Variants in ACSBG2 observed in about 807,000 individuals in gnomAD.
ACSBG2 encodes the protein long-chain-fatty-acid--CoA ligase ACSBG2.
In ACSBG2, 62 loss-of-function variants were observed where a neutral mutation model predicts 74.7. That is an observed-to-expected ratio of 0.83 (90% CI 0.68 to 1.03). The LOEUF is 1.03. Ranked by LOEUF, ACSBG2 falls within the 50% of genes least tolerant of loss-of-function variation. The probability of loss-of-function intolerance (pLI) is 0.00; values close to 1 mark genes in which losing one functional copy is unlikely to be tolerated. For missense variants in ACSBG2, 730 were observed against 817.6 expected (o/e 0.89, Z 1.31); for synonymous variants, 309 against 294.1 (o/e 1.05, Z -0.52).
chr19:6,189,524 CTTG>C lies in ACSBG2; in HGVS notation c.1928-1057_1928-1055del, dbSNP rs1020361341. 1.1e-4 allele frequency among the ~76,000 whole-genome samples: 16 copies of C among 150,886 alleles called. No homozygotes were observed. In the South Asian group the frequency reaches 3.1e-3, roughly 29 times the overall value. On this transcript the variant is annotated intron_variant, in intron 13 of 14. Transcript: ENST00000588485. ...AGGGAAGTGACTTGTCCCACTGAGT[CTTG>C]TTTTTTTTTTGTTTGTTTTGAGACA...
In ACSBG2 at chr19:6,182,805, C is replaced by T; in HGVS notation, c.961C>T (p.Pro321Ser). Residue 321 changes from proline (P) to serine (S), a missense_variant, in exon 9 of 15, where the codon CCT becomes TCT. Transcript: ENST00000588485. ...EVKPTVFIGV[P>S]QIWEKIHEMV... Reference sequence around the variant, plus strand: ...AAAACCTACTGTCTTCATTGGAGTGCCTCAAATTTGGGAGAAGATACATGA... The same window carrying T: ...AAAACCTACTGTCTTCATTGGAGTGTCTCAAATTTGGGAGAAGATACATGA... 1 of 1,614,054 alleles carries T rather than the reference C, an allele frequency of 6.2e-7. No individual in the cohort carries two copies. Among genetic ancestry groups the T allele is most frequent in the Non-Finnish European group, 8.5e-7 (1 of 1,180,004 alleles).
chr19:6,137,848 G>A (rs1477328779), intron 1 of ACSBG2, among the ~76,000 whole-genome samples: 7 of 151,956 alleles, frequency 4.6e-5, no homozygotes, highest in South Asian at 2.1e-4. Flanking sequence ...GGGTTTCACC[G>A]TGTGAACCAT....
At chr19:6,140,597 T>C (rs908545828) in intron 1 of ACSBG2, among the ~76,000 whole-genome samples, 1 of 151,304 alleles carries the variant, frequency 6.6e-6, no homozygotes, top group African/African-American at 2.4e-5. Flanking sequence ...CGAGAATTGC[T>C]TGAACCTGGG....
At chr19:6,177,583 G>A (rs2090121524) in intron 8 of ACSBG2, among the ~76,000 whole-genome samples, 187 bp downstream of exon 8, 1 of 152,154 alleles carries the variant, frequency 6.6e-6, no homozygotes, top group Non-Finnish European at 1.5e-5. Flanking sequence ...GGCTCAATCT[G>A]TAATCCCGGC....
chr19:6,141,672 T>C, intron 2 of ACSBG2, 62 bp downstream of exon 2: 1 of 1,091,678 alleles, frequency 9.2e-7, no homozygotes. Flanking sequence ...AAAGGCTCTT[T>C]GCAGAGGAGT....
intron 2 of ACSBG2, among the ~76,000 whole-genome samples, chr19:6,143,256 G>A (rs2088912046): frequency 1.3e-5 from 2 of 151,824 alleles, no homozygotes; most frequent in Non-Finnish European, 2.9e-5. Flanking sequence ...GTCTGAAACA[G>A]CAGAAATGTA....
At chr19:6,138,462 G>A (rs1035732846) in intron 1 of ACSBG2, among the ~76,000 whole-genome samples, 7 of 134,458 alleles carry the variant, frequency 5.2e-5, no homozygotes, top group Non-Finnish European at 1.1e-4. Flanking sequence ...GTGCTAGGAA[G>A]AGAGAGGGAG....
At chr19:6,183,772 T>C (rs2145246347) in intron 10 of ACSBG2, among the ~76,000 whole-genome samples, 1 of 152,280 alleles carries the variant, frequency 6.6e-6, no homozygotes, top group African/African-American at 2.4e-5. Context: ...GGGTGAGGTT[T>C]GAAAAAATCT....
chr19:6,171,022 A>C (rs2089950402), intron 7 of ACSBG2, among the ~76,000 whole-genome samples: 1 of 151,210 alleles, frequency 6.6e-6, no homozygotes, highest in Non-Finnish European at 1.5e-5. Flanking sequence ...GTTTTATTGG[A>C]TAAAACAGTA....
At chr19:6,179,108 C>A (rs936125657) in intron 8 of ACSBG2, among the ~76,000 whole-genome samples, 1 of 152,132 alleles carries the variant, frequency 6.6e-6, no homozygotes, top group Non-Finnish European at 1.5e-5. Flanking sequence ...TCTGATAGGA[C>A]ATCAACAGCA....
Position 6,161,289 on chromosome 19 carries a change from G to A in ACSBG2, c.582G>A (p.Leu194=), listed in dbSNP as rs765369669. 6.2e-6 allele frequency: 10 copies of A among 1,612,024 alleles called. 1 individual carries two copies. The East Asian group carries it at 8.9e-5, about 14-fold the overall frequency. The change falls in exon 6 of 15, where the codon TTG becomes TTA. Residue 194 remains leucine (L), a synonymous_variant. Transcript: ENST00000588485. Reference sequence around the variant, plus strand: ...TGCCAATGAAGAAGAACAACAACTTGTACTCTGTAAGTGTGGGAGGTGGGC... The same window carrying A: ...TGCCAATGAAGAAGAACAACAACTTATACTCTGTAAGTGTGGGAGGTGGGC... ...YRLPMKKNNN[L]YSWDDFMELG...
chr19:6,165,950 G>T lies in ACSBG2; in HGVS notation c.673G>T (p.Ala225Ser). ...CGAGAGCCAGAAGGCGAATCAATGC[G>T]CAGTGCTCATCTACACTTCAGGGAC... is the stretch of plus-strand genomic sequence containing the variant. ...VIESQKANQC[A>S]VLIYTSGTTG... Residue 225 changes from alanine to serine, a missense_variant, in exon 7 of 15, where the codon GCA becomes TCA. Ala to Ser is a moderately conservative substitution (Grantham distance 99). Transcript: ENST00000588485. 1 of 1,613,890 alleles carries T rather than the reference G, an allele frequency of 6.2e-7. No homozygotes were observed. The highest frequency in any genetic ancestry group is 8.5e-7 in the Non-Finnish European group (1 of 1,179,926).
At chr19:6,136,503 T>C (rs4293503) in intron 1 of ACSBG2, among the ~76,000 whole-genome samples, 14,112 of 150,490 alleles carry the variant, frequency 0.094, 2,150 homozygotes, top group African/African-American at 0.32. Flanking sequence ...GCTGGGATTA[T>C]AGGCACGCGC....
rs139796586 is a variant in ACSBG2, at chr19:6,164,594, G to A, written c.589-1272G>A. 2.0e-3 allele frequency among the ~76,000 whole-genome samples: 304 copies of A among 152,084 alleles called. 2 individuals carry two copies. Among genetic ancestry groups the A allele is most frequent in the African/African-American group, 6.8e-3 (282 of 41,486 alleles). On this transcript the variant is annotated intron_variant, in intron 6 of 14. Coordinates refer to ENST00000588485, the MANE Select transcript of ACSBG2 (RefSeq NM_030924.5). ...ATTACAGGCGCCTGCCACCACACCCGGCTAATTTTTGTATTTTTAGTAGAG... is the reference window on the plus strand; with the variant it reads ...ATTACAGGCGCCTGCCACCACACCCAGCTAATTTTTGTATTTTTAGTAGAG...
At chr19:6,170,883 G>A (rs969394537) in intron 7 of ACSBG2, among the ~76,000 whole-genome samples, 1 of 152,040 alleles carries the variant, frequency 6.6e-6, no homozygotes, top group Non-Finnish European at 1.5e-5. Flanking sequence ...AGTAGTACTT[G>A]TCTTATAAAT....
chr19:6,157,184 G>A (rs1001629613), intron 5 of ACSBG2, among the ~76,000 whole-genome samples: 8 of 152,234 alleles, frequency 5.3e-5, no homozygotes, highest in Admixed American at 3.9e-4. Flanking sequence ...TCCTGACCTC[G>A]TGATCCGCCC....
chr19:6,175,967 A>G (rs528908844), intron 7 of ACSBG2: 1 of 176,686 alleles, frequency 5.7e-6, no homozygotes, highest in Non-Finnish European at 1.2e-5. Flanking sequence ...TGTCTAGCAA[A>G]CAGTGGAGTC....
chr19:6,147,591 A>G lies in ACSBG2; in HGVS notation c.213A>G (p.Ala71=), dbSNP rs200700863. The G allele has an allele frequency of 4.2e-5, 68 of 1,614,082 alleles. No individual in the cohort carries two copies. The highest frequency in any genetic ancestry group is 5.8e-5 in the Non-Finnish European group (68 of 1,180,048). ...VNRFGTYPAL[A]SKNGKKWEIL... ...GATTTGGAACTTATCCAGCCCTCGC[A>G]TCCAAGAATGGCAAAAAGTGGGAAA... Residue 71 remains alanine (A), a synonymous_variant, in exon 3 of 15, where the codon GCA becomes GCG. Transcript: ENST00000588485.
intron 6 of ACSBG2, among the ~76,000 whole-genome samples, chr19:6,163,007 G>A (rs2089675730): frequency 6.6e-6 from 1 of 151,708 alleles, no homozygotes; most frequent in Non-Finnish European, 1.5e-5. Flanking sequence ...TGTTTAGGCT[G>A]GGCACAGTAG....
Sources: gnomAD v4.1 joint callset for allele counts (sites outside exome capture counted in the v4.1 genomes callset) on GRCh38, gnomAD v4.1.1 for gene constraint, MANE v1.5 for transcripts, NCBI Gene and HGNC (gene_info 2026-07-23, HGNC 2026-07-21) for gene names.